Variants in CYSLTR1 observed in about 807,000 individuals in gnomAD.
CYSLTR1 encodes the protein cysteinyl leukotriene receptor 1.
CYSLTR1 carries 1 observed loss-of-function variant against 2.1 expected under a neutral mutation model. The observed-to-expected ratio is 0.48, with a 90% confidence interval of 0.17 to 2.28. The LOEUF is 2.28. Among genes scored for constraint, CYSLTR1 ranks in the 30% most tolerant of loss-of-function variants. The pLI is 0.26. For synonymous variants in CYSLTR1, 110 were observed against 89.6 expected (o/e 1.23, Z -1.28); for missense variants, 299 against 250.1 (o/e 1.20, Z -1.32).
chrX:78,286,359 A>G (rs1203685082), intron 1 of CYSLTR1, among the ~76,000 whole-genome samples: 1 of 112,047 alleles, frequency 8.9e-6, no homozygotes, highest in African/African-American at 3.2e-5. Flanking sequence ...ACTGATGGAC[A>G]TATGAGTTGC....
At chrX:78,312,648 TG>T (rs1923261458) in intron 1 of CYSLTR1, among the ~76,000 whole-genome samples, 1 of 111,465 alleles carries the variant, frequency 9.0e-6, no homozygotes, top group Non-Finnish European at 1.9e-5. Flanking sequence ...AATTTAAAAA[TG>T]GGGAAAGAAC....
At chrX:78,300,861 C>A (rs1309768245) in intron 1 of CYSLTR1, among the ~76,000 whole-genome samples, 3 of 112,815 alleles carry the variant, frequency 2.7e-5, no homozygotes, top group Admixed American at 9.3e-5. Flanking sequence ...GAGGGCCCTG[C>A]CCCTCCAGCA....
intron 1 of CYSLTR1, among the ~76,000 whole-genome samples, chrX:78,308,773 G>A (rs1923119700): frequency 8.9e-6 from 1 of 111,890 alleles, no homozygotes; most frequent in African/African-American, 3.2e-5. Context: ...ACAGGGAGCA[G>A]GTTTCACTCA....
intron 1 of CYSLTR1, among the ~76,000 whole-genome samples, chrX:78,284,771 A>AG (rs1229071940): frequency 7.2e-5 from 8 of 110,493 alleles, no homozygotes; most frequent in Non-Finnish European, 1.5e-4. Flanking sequence ...AAAAAAAAAA[A>AG]AAAAGAAAAA....
intron 1 of CYSLTR1, among the ~76,000 whole-genome samples, chrX:78,312,071 C>A (rs978662166): frequency 9.0e-6 from 1 of 111,625 alleles, no homozygotes; most frequent in Non-Finnish European, 1.9e-5. Context: ...CATTACTCAA[C>A]GTCAAACCAT....
At chrX:78,287,490 T>C (rs763121844) in intron 1 of CYSLTR1, among the ~76,000 whole-genome samples, 1 of 111,532 alleles carries the variant, frequency 9.0e-6, no homozygotes, top group Non-Finnish European at 1.9e-5. Flanking sequence ...TGGTGATGAC[T>C]GCACAGTTCT....
intron 1 of CYSLTR1, among the ~76,000 whole-genome samples, chrX:78,302,700 T>C (rs1350261292): frequency 6.3e-5 from 7 of 110,724 alleles, no homozygotes; most frequent in Admixed American, 5.8e-4. Flanking sequence ...CCAGGGTGTA[T>C]CTAGAAATGT....
At chrX:78,305,407 A>G in intron 1 of CYSLTR1, among the ~76,000 whole-genome samples, 1 of 111,791 alleles carries the variant, frequency 8.9e-6, no homozygotes, top group African/African-American at 3.2e-5. Context: ...AAGCAAACAA[A>G]CTTCCACCCT....
chrX:78,292,798 G>GT (rs781461267), intron 1 of CYSLTR1, among the ~76,000 whole-genome samples: 5,556 of 91,335 alleles, frequency 0.061, 420 homozygotes, highest in African/African-American at 0.2. Flanking sequence ...AACCCCTGCT[G>GT]TTTTTTTTTT....
Position 78,273,019 on chromosome X carries a change from A to G in CYSLTR1, c.728T>C (p.Leu243Ser). ...AATATGATATGGCATGAAACTGACT[A>G]AAAAGGCAGCGGTCACGACCATGAT... ...GMIMVVTAAFLVSFMPYHIQR... is the reference protein window; with the variant it reads ...GMIMVVTAAFSVSFMPYHIQR... The change falls in exon 3 of 3, where the codon TTA (leucine) becomes TCA (serine). Residue 243 changes from leucine (L) to serine (S), a missense_variant. Physicochemically the swap from Leu to Ser is moderately radical, Grantham distance 145. Transcript: ENST00000373304. 1 of 1,211,746 alleles carries G rather than the reference A, an allele frequency of 8.3e-7. No individual in the cohort carries two copies. The highest frequency in any genetic ancestry group is 1.1e-6 in the Non-Finnish European group (1 of 895,424).
At chrX:78,306,102 T>A (rs1356455291) in intron 1 of CYSLTR1, among the ~76,000 whole-genome samples, 2 of 112,516 alleles carry the variant, frequency 1.8e-5, no homozygotes, top group Non-Finnish European at 3.8e-5. Context: ...AAGACAAACA[T>A]CACATGTTCT....
At chrX:78,282,889 G>A (rs1253142086) in intron 2 of CYSLTR1, among the ~76,000 whole-genome samples, 2 of 112,188 alleles carry the variant, frequency 1.8e-5, no homozygotes, top group Non-Finnish European at 3.8e-5. Context: ...ATGGTCTATA[G>A]TCTCATTAAT....
At chrX:78,285,877 G>T (rs1467717720) in intron 1 of CYSLTR1, among the ~76,000 whole-genome samples, 2 of 111,465 alleles carry the variant, frequency 1.8e-5, no homozygotes, top group Non-Finnish European at 3.8e-5. Context: ...GCCAATACTG[G>T]GCTCTACCAT....
At position 78,272,485 on chromosome X, in the gene CYSLTR1, T is replaced by C; in HGVS notation, c.*248A>G. 4.2e-6 allele frequency: 1 copy of C among 240,555 alleles called. No individual in the cohort carries two copies. The allele number at this position is 240,555 out of a possible 1,213,427, so 19.8% of individuals were successfully genotyped here. ...TTTTATAGTGCAAAGATAAAAATAT[T>C]CTCCAAATTCTGGTGAGTGGTCAAA... On this transcript the variant is annotated 3_prime_UTR_variant, in exon 3 of 3. Coordinates refer to ENST00000373304, the MANE Select transcript of CYSLTR1 (RefSeq NM_006639.4).
intron 2 of CYSLTR1, among the ~76,000 whole-genome samples, chrX:78,276,422 G>T (rs1454764437): frequency 9.0e-6 from 1 of 111,165 alleles, no homozygotes; most frequent in Non-Finnish European, 1.9e-5. Context: ...GGTTTGCAAG[G>T]TGGGAAGACT....
At chrX:78,309,724 A>C (rs1020956708) in intron 1 of CYSLTR1, among the ~76,000 whole-genome samples, 4 of 112,034 alleles carry the variant, frequency 3.6e-5, no homozygotes, top group Admixed American at 2.8e-4. Flanking sequence ...GGATTGAATG[A>C]CTTAGTTTTA....
intron 2 of CYSLTR1, among the ~76,000 whole-genome samples, chrX:78,278,250 A>C (rs894014731): frequency 9.0e-5 from 10 of 111,492 alleles, no homozygotes; most frequent in African/African-American, 3.3e-4. Context: ...AAAGAACAAA[A>C]CCTCCAAGAA....
chrX:78,293,613 A>G (rs745461279), intron 1 of CYSLTR1, among the ~76,000 whole-genome samples: 49 of 112,008 alleles, frequency 4.4e-4, no homozygotes, highest in African/African-American at 1.6e-3. Context: ...GTTCAGGTAC[A>G]CCAATCAGAC....
At chrX:78,290,026 G>T (rs1244285816) in intron 1 of CYSLTR1, among the ~76,000 whole-genome samples, 1 of 111,883 alleles carries the variant, frequency 8.9e-6, no homozygotes. Context: ...TTTCAGTCAT[G>T]AAGGCTTTGC....
Sources: allele counts gnomAD v4.1 joint callset (sites outside exome capture counted in the v4.1 genomes callset), GRCh38; gene constraint gnomAD v4.1.1; transcripts MANE v1.5; gene names NCBI Gene and HGNC (gene_info 2026-07-23, HGNC 2026-07-21).